The following CPLANE1 variants were observed in gnomAD, a reference collection of about 807,000 sequenced individuals.
CPLANE1 encodes ciliogenesis and planar polarity effector complex subunit 1.
Under a neutral mutation model 362.5 loss-of-function variants are expected in CPLANE1, and 263 were observed. The observed-to-expected ratio is 0.73, with a 90% CI of 0.66 to 0.80. The LOEUF is 0.80. Among genes scored for constraint, CPLANE1 ranks in the 30% least tolerant of loss-of-function variants. The pLI is 0.00. For missense variants in CPLANE1, 3,461 were observed against 3,793.4 expected, an observed-to-expected ratio of 0.91 and a Z score of 2.30; for synonymous variants, 1,212 against 1,302.6, an observed-to-expected ratio of 0.93 and a Z score of 1.50.
chr5:37,221,910 AC>A (rs1795435610), intron 14 of CPLANE1, among the ~76,000 whole-genome samples: 1 of 152,198 alleles, frequency 6.6e-6, no homozygotes, highest in Non-Finnish European at 1.5e-5. Context: ...TATCATCTTA[AC>A]ATTAAGGTCT....
intron 41 of CPLANE1, among the ~76,000 whole-genome samples, chr5:37,155,528 C>A (rs1774836819): frequency 6.6e-6 from 1 of 152,184 alleles, no homozygotes. Flanking sequence ...GTGTGTGCCA[C>A]AACACCTGGC....
chr5:37,182,754 G>A lies in CPLANE1; in HGVS notation c.5421+6C>T. The A allele has an allele frequency of 1.3e-6, 2 of 1,547,602 alleles. No homozygotes were observed. The highest frequency in any genetic ancestry group is 1.1e-5 in the South Asian group (1 of 87,162). ...TTTGTAAGTAATAAACAATTGATAT[G>A]CTTACCTTAATAATGGCATTTTTTG... On this transcript the variant is annotated splice_donor_region_variant and intron_variant, in intron 26 of 52. Transcript: ENST00000651892.
chr5:37,247,622 C>A lies in CPLANE1; in HGVS notation c.77G>T (p.Gly26Val), dbSNP rs776857821. 1.9e-6 allele frequency: 3 copies of A among 1,550,236 alleles called. No individual in the cohort carries two copies. In the South Asian group the frequency reaches 3.6e-5, roughly 19 times the overall value. The change falls in exon 2 of 53, where the codon GGA (glycine) becomes GTA (valine). Residue 26 changes from glycine (G) to valine (V), a missense_variant. This residue lies in a region of CPLANE1 where 3,380 missense variants were observed against 3,666.1 expected (regional missense o/e 0.92). Coordinates refer to ENST00000651892, the MANE Select transcript of CPLANE1 (RefSeq NM_001384732.1). ...KKPWPRVSWL[G>V]KEKEAVFLLD... ...CATGAATAAAGAAAAACCTACCTTTCCCAACCAGGAGACACGTGGCCATGG... is the reference window on the plus strand; with the variant it reads ...CATGAATAAAGAAAAACCTACCTTTACCAACCAGGAGACACGTGGCCATGG...
rs1056374809 is a variant in CPLANE1 at position 37,183,457 on chromosome 5, G to A, written c.4724C>T (p.Pro1575Leu). The A allele has an allele frequency of 1.9e-6, 3 of 1,613,406 alleles. No homozygotes were observed. Among genetic ancestry groups the A allele is most frequent in the Non-Finnish European group, 2.5e-6 (3 of 1,179,542 alleles). The change falls in exon 26 of 53, where the codon CCA becomes CTA. Residue 1575 changes from proline to leucine, a missense_variant. Around this residue, in one of 2 missense-constraint regions of CPLANE1, gnomAD observed 3,380 missense variants for 3,666.1 expected, o/e 0.92. Coordinates refer to ENST00000651892, the MANE Select transcript of CPLANE1 (RefSeq NM_001384732.1). ...DLPYSRDADI[P>L]FLTSFSGKLR... ...CTTTCCAGAAAAACTAGTTAGAAATGGAATGTCAGCATCCCTGGAATAAGG... is the reference window on the plus strand; with the variant it reads ...CTTTCCAGAAAAACTAGTTAGAAATAGAATGTCAGCATCCCTGGAATAAGG...
chr5:37,227,141 C>T (rs1359235126), intron 11 of CPLANE1, 68 bp from the exon 12 acceptor site: 5 of 1,500,104 alleles, frequency 3.3e-6, no homozygotes, highest in African/African-American at 2.8e-5. Flanking sequence ...ATCACTTTGG[C>T]GTTCTTAAAT....
intron 26 of CPLANE1, among the ~76,000 whole-genome samples, chr5:37,182,041 G>T (rs1482919288): frequency 6.6e-6 from 1 of 151,862 alleles, no homozygotes; most frequent in South Asian, 2.1e-4. Flanking sequence ...GCAGTGAGTT[G>T]AGATCACGCC....
At chr5:37,137,116 T>C (rs554621871) in intron 46 of CPLANE1, among the ~76,000 whole-genome samples, 1 of 152,346 alleles carries the variant, frequency 6.6e-6, no homozygotes, top group South Asian at 2.1e-4. Context: ...TTCCAAACTT[T>C]CATGCTCTGC....
intron 51 of CPLANE1, among the ~76,000 whole-genome samples, chr5:37,113,301 T>C (rs1293005948): frequency 2.6e-5 from 4 of 152,188 alleles, no homozygotes; most frequent in Non-Finnish European, 5.9e-5. Flanking sequence ...TGAGATCTGA[T>C]AGTTTTATAA....
chr5:37,233,987 A>T (rs1323625385), intron 8 of CPLANE1, among the ~76,000 whole-genome samples: 1 of 152,228 alleles, frequency 6.6e-6, no homozygotes, highest in Non-Finnish European at 1.5e-5. Context: ...TGTACTACTG[A>T]AGAAGTCATA....
At position 37,186,324 on chromosome 5, in the gene CPLANE1, T is replaced by C; in HGVS notation, c.4151A>G (p.His1384Arg). The C allele has an allele frequency of 6.3e-7, 1 of 1,598,768 alleles. No homozygotes were observed. Among genetic ancestry groups the C allele is most frequent in the East Asian group, 2.2e-5 (1 of 44,770 alleles). ...GTGTCTGAGTCTCTGGTGAAGAGAG[T>C]GATATTTGTCTCTTAAAGGAACCCT... ...DVRVPLRDKY[H>R]SLHQRLRHCV... The change falls in exon 24 of 53, where the codon CAC (histidine) becomes CGC (arginine). Residue 1384 changes from histidine to arginine, a missense_variant. By Grantham distance (29) the His-to-Arg change is conservative. This residue lies in a region of CPLANE1 where 3,380 missense variants were observed against 3,666.1 expected (regional missense o/e 0.92). Coordinates refer to ENST00000651892, the MANE Select transcript of CPLANE1 (RefSeq NM_001384732.1).
rs117229954 is a variant in CPLANE1, at chr5:37,199,325, A to G, written c.3508-459T>C. On this transcript the variant is annotated intron_variant, in intron 19 of 52. Transcript: ENST00000651892. ...GTTAAAGCCCGCTACTCCAGACTCCATTGGTGGGATGTTACAGAGAGGTCC... is the reference window on the plus strand; with the variant it reads ...GTTAAAGCCCGCTACTCCAGACTCCGTTGGTGGGATGTTACAGAGAGGTCC... Among the ~76,000 whole-genome samples, 4 of 152,208 alleles carry G rather than the reference A, an allele frequency of 2.6e-5. No individual in the cohort carries two copies. In the East Asian group the frequency reaches 7.7e-4, roughly 29 times the overall value.
In CPLANE1 at chr5:37,227,368, G is replaced by T; in HGVS notation, c.1396C>A (p.Arg466=). ...CTAGACCTTAGGGAATTCAGTGATC[G>T]CAAGTTCAGTCCTTTGCCTTTTGGC... ...SKPKGKGLNL[R]SLNSLRSSLL... Residue 466 remains arginine (R), a synonymous_variant, in exon 11 of 53, where the codon CGA becomes AGA. Coordinates refer to ENST00000651892, the MANE Select transcript of CPLANE1 (RefSeq NM_001384732.1). 1 of 1,546,496 alleles carries T rather than the reference G, an allele frequency of 6.5e-7. No individual in the cohort carries two copies. Among genetic ancestry groups the T allele is most frequent in the South Asian group, 1.2e-5 (1 of 82,358 alleles).
intron 10 of CPLANE1, 67 bp from the exon 11 acceptor site, chr5:37,227,459 AAAAATTC>A: frequency 6.7e-7 from 1 of 1,483,712 alleles, no homozygotes. Context: ...ATAAGCAATT[AAAAATTC>A]TATAGACAAC....
intron 52 of CPLANE1, 152 bp from the exon 53 acceptor site, chr5:37,107,930 C>CAATCACAGCCCTAT: frequency 8.0e-7 from 1 of 1,254,944 alleles, no homozygotes; most frequent in Non-Finnish European, 1.1e-6. Context: ...GGAAATAGGG[C>CAATCACAGCCCTAT]TGTGATTGCC....
intron 50 of CPLANE1, among the ~76,000 whole-genome samples, chr5:37,117,264 A>T (rs913073906): frequency 7.3e-5 from 11 of 151,534 alleles, no homozygotes; most frequent in African/African-American, 2.4e-4. Flanking sequence ...GAGGGGTAAT[A>T]GGAAGATGAG....
In CPLANE1 at chr5:37,198,614, G is replaced by C. The variant is rs540191758; in HGVS notation, c.3672+88C>G. On this transcript the variant is annotated intron_variant, in intron 20 of 52. Transcript: ENST00000651892. Reference sequence around the variant, plus strand: ...GTGGATTTATAGGGCAGGACTCCTTGGGAAAATATAACAATTATAAAAACA... The same window carrying C: ...GTGGATTTATAGGGCAGGACTCCTTCGGAAAATATAACAATTATAAAAACA... 1.1e-5 allele frequency: 14 copies of C among 1,311,734 alleles called. No individual in the cohort carries two copies. In the South Asian group the frequency reaches 2.1e-4, roughly 19 times the overall value. 81.3% of individuals were successfully genotyped at this position (1,311,734 alleles called of 1,614,324 possible).
intron 46 of CPLANE1, among the ~76,000 whole-genome samples, chr5:37,137,072 TTTTC>T (rs1407015758): frequency 6.6e-6 from 1 of 152,332 alleles, no homozygotes; most frequent in East Asian, 1.9e-4. Context: ...GAAAATGGGT[TTTTC>T]TTTTATATTG....
intron 18 of CPLANE1, among the ~76,000 whole-genome samples, chr5:37,204,422 T>C (rs1790093566): frequency 6.6e-6 from 1 of 152,200 alleles, no homozygotes; most frequent in Non-Finnish European, 1.5e-5. Flanking sequence ...GTAAAACAGA[T>C]AAATTTTATA....
At chr5:37,133,274 G>C (rs1364215377) in intron 46 of CPLANE1, among the ~76,000 whole-genome samples, 1 of 152,068 alleles carries the variant, frequency 6.6e-6, no homozygotes, top group African/African-American at 2.4e-5. Context: ...GGTTCCATAT[G>C]AATTTTAGAA....
Sources: allele counts gnomAD v4.1 joint callset (sites outside exome capture counted in the v4.1 genomes callset), GRCh38; gene constraint gnomAD v4.1.1; regional missense constraint gnomAD v4.1.1; transcripts MANE v1.5; gene names NCBI Gene and HGNC (gene_info 2026-07-23, HGNC 2026-07-21).